The following SLC35G6 variants were observed in gnomAD, a reference collection of about 807,000 sequenced individuals.
SLC35G6 encodes acyl-malonyl condensing enzyme 1-like 3.
SLC35G6 carries 18 observed loss-of-function variants against 20.3 expected under a neutral mutation model. The observed-to-expected ratio is 0.88, with a 90% CI of 0.61 to 1.31. The LOEUF is 1.31. Ranked by LOEUF, SLC35G6 falls within the 40% of genes most tolerant of loss-of-function variation. The pLI, the probability that SLC35G6 is intolerant of heterozygous loss-of-function variation, is 0.00. For missense variants in SLC35G6, 372 were observed against 433.4 expected (o/e 0.86, Z 1.26); for synonymous variants, 156 against 200.9 (o/e 0.78, Z 1.89).
rs1251226713 is a variant in SLC35G6, at chr17:7,482,844, A to G, written c.860A>G (p.His287Arg). 9.9e-6 allele frequency: 16 copies of G among 1,611,894 alleles called. No individual in the cohort carries two copies. The highest frequency in any genetic ancestry group is 2.7e-5 in the African/African-American group (2 of 74,828). ...AHPALVCAVLHSEVVVALILQ... is the reference protein window; with the variant it reads ...AHPALVCAVLRSEVVVALILQ... The stretch of plus-strand genomic sequence containing the variant: ...CCTGCCCTGGTGTGCGCTGTCCTGC[A>G]TTCCGAGGTGGTGGTGGCCCTTATA... The change falls in exon 2 of 2, where the codon CAT (histidine) becomes CGT (arginine). Residue 287 changes from histidine to arginine, a missense_variant. Physicochemically the swap from His to Arg is conservative, Grantham distance 29. Coordinates refer to ENST00000412468, the MANE Select transcript of SLC35G6 (RefSeq NM_001102614.2).
Position 7,482,452 on chromosome 17 carries a change from C to T in SLC35G6, c.468C>T (p.Gly156=), listed in dbSNP as rs758907687. Residue 156 remains glycine, a synonymous_variant, in exon 2 of 2, where the codon GGC becomes GGT. Coordinates refer to ENST00000412468, the MANE Select transcript of SLC35G6 (RefSeq NM_001102614.2). ...GCCTTGAGAGCCAGGGTCTCAGTGG[C>T]TACGACTGGTGTGGACTGTTGGGCA... ...TLCLESQGLS[G]YDWCGLLGSI... 2.5e-6 allele frequency: 4 copies of T among 1,614,034 alleles called. No homozygotes were observed. Among genetic ancestry groups the T allele is most frequent in the Non-Finnish European group, 3.4e-6 (4 of 1,179,866 alleles).
chr17:7,481,884 C>A, intron 1 of SLC35G6, 104 bp from the exon 2 acceptor site: 2 of 1,451,234 alleles, frequency 1.4e-6, no homozygotes, highest in Non-Finnish European at 1.8e-6. Context: ...TAGCCCAACA[C>A]TGTACAGTCC....
chr17:7,481,751 C>T (rs1390879293), intron 1 of SLC35G6, among the ~76,000 whole-genome samples: 1 of 152,200 alleles, frequency 6.6e-6, no homozygotes, highest in Non-Finnish European at 1.5e-5. Flanking sequence ...CTCCCAGGAA[C>T]AACTTACCCA....
chr17:7,483,249 G>A lies in SLC35G6; in HGVS notation c.*248G>A. 5.6e-6 allele frequency: 4 copies of A among 715,244 alleles called. No individual in the cohort carries two copies. Among genetic ancestry groups the A allele is most frequent in the Non-Finnish European group, 8.9e-6 (4 of 449,426 alleles). The allele number at this position is 715,244 out of a possible 1,614,324, so 44.3% of individuals were successfully genotyped here. On this transcript the variant is annotated 3_prime_UTR_variant, in exon 2 of 2. Transcript: ENST00000412468. ...AGGGCATAACTAAGGGGTAAAGTCT[G>A]AGGAGCAGATCCAAACGGCTGAGGC...
chr17:7,483,344 C>G lies in SLC35G6; in HGVS notation c.*343C>G, dbSNP rs1307148769. ...AGAAGAGCATTGGGGCTGGAGTGTT[C>G]CGGCAAAGACAGAGCCAGCAGCTGC... On this transcript the variant is annotated 3_prime_UTR_variant, in exon 2 of 2. Transcript: ENST00000412468. The G allele has an allele frequency of 2.8e-6, 1 of 361,394 alleles. No individual in the cohort carries two copies. The highest frequency in any genetic ancestry group is 5.1e-6 in the Non-Finnish European group (1 of 195,258). 22.4% of individuals were successfully genotyped at this position (361,394 alleles called of 1,614,324 possible). A position where few individuals can be genotyped will look rare whatever the true frequency, so the allele number is the denominator to read the frequency against.
rs1480819561 is a variant in SLC35G6, at chr17:7,482,659, A to G, written c.675A>G (p.Leu225=). The part of the protein sequence containing the change: ...FPSCLPTVAF[L]SGLVGLLGSV... ...CCTGCCTCCCAACAGTGGCCTTCCT[A>G]TCTGGCTTGGTGGGGCTGCTGGGCT... The change falls in exon 2 of 2, where the codon CTA becomes CTG. Residue 225 remains leucine, a synonymous_variant. Transcript: ENST00000412468. 4 of 1,611,828 alleles carry G rather than the reference A, an allele frequency of 2.5e-6. No homozygotes were observed. Among genetic ancestry groups the G allele is most frequent in the South Asian group, 1.1e-5 (1 of 90,996 alleles).
chr17:7,481,570 G>C, intron 1 of SLC35G6, 51 bp downstream of exon 1: 1 of 1,368,200 alleles, frequency 7.3e-7, no homozygotes, highest in South Asian at 1.5e-5. Flanking sequence ...GCTCCTGGTT[G>C]CTCCATTTCC....
Position 7,482,292 on chromosome 17 carries a change from G to C in SLC35G6, c.308G>C (p.Arg103Pro). The C allele has an allele frequency of 6.2e-7, 1 of 1,614,020 alleles. No individual in the cohort carries two copies. The highest frequency in any genetic ancestry group is 8.5e-7 in the Non-Finnish European group (1 of 1,179,874). The change falls in exon 2 of 2, where the codon CGG becomes CCG. Residue 103 changes from arginine (R) to proline (P), a missense_variant. By Grantham distance (103) the Arg-to-Pro change is moderately radical (BLOSUM62 -2). Transcript: ENST00000412468. ...CTGGGACCTCCTGACATCCGAGGCC[G>C]GGCCTACTTCTATGCCCTGCTCAAC... ...PLLGPPDIRGRAYFYALLNVL... is the reference protein window; with the variant it reads ...PLLGPPDIRGPAYFYALLNVL...
intron 1 of SLC35G6, 148 bp downstream of exon 1, chr17:7,481,667 A>AGGT: frequency 1.5e-6 from 1 of 665,008 alleles, no homozygotes; most frequent in African/African-American, 1.8e-5. Context: ...AACCTGTGGC[A>AGGT]TCATACAGAT....
In SLC35G6 at chr17:7,482,696, C is replaced by T; in HGVS notation, c.712C>T (p.Leu238Phe). The T allele has an allele frequency of 6.2e-7, 1 of 1,612,054 alleles. No individual in the cohort carries two copies. Among genetic ancestry groups the T allele is most frequent in the Non-Finnish European group, 8.5e-7 (1 of 1,179,876 alleles). The change falls in exon 2 of 2, where the codon CTC becomes TTC. Residue 238 changes from leucine to phenylalanine, a missense_variant. Leu to Phe is a conservative substitution (Grantham distance 22). Transcript: ENST00000412468. The part of the protein sequence containing the change: ...LVGLLGSVPG[L>F]FVLQPPVLPS... ...GGGGCTGCTGGGCTCTGTGCCAGGC[C>T]TCTTTGTGCTGCAGCCCCCCGTGTT...
Position 7,482,077 on chromosome 17 carries a change from C to G in SLC35G6, c.93C>G (p.Cys31Trp). ...CCAGCCTCCGCTGGCACCAGTGCTG[C>G]CAGCCCTCTGATGCCACCAATGGCC... is the stretch of plus-strand genomic sequence containing the variant. ...APPSLRWHQCCQPSDATNGLL... is the reference protein window; with the variant it reads ...APPSLRWHQCWQPSDATNGLL... Residue 31 changes from cysteine (C) to tryptophan (W), a missense_variant, in exon 2 of 2, where the codon TGC becomes TGG. Transcript: ENST00000412468. The G allele has an allele frequency of 6.2e-7, 1 of 1,614,168 alleles. No individual in the cohort carries two copies. Among genetic ancestry groups the G allele is most frequent in the Non-Finnish European group, 8.5e-7 (1 of 1,180,022 alleles).
Position 7,482,295 on chromosome 17 carries a change from C to A in SLC35G6, c.311C>A (p.Ala104Asp). 6.2e-7 allele frequency: 1 copy of A among 1,614,028 alleles called. No homozygotes were observed. Among genetic ancestry groups the A allele is most frequent in the Non-Finnish European group, 8.5e-7 (1 of 1,179,872 alleles). Reference protein sequence around the residue: ...LLGPPDIRGRAYFYALLNVLS... With the variant: ...LLGPPDIRGRDYFYALLNVLS... Reference sequence around the variant, plus strand: ...GGACCTCCTGACATCCGAGGCCGGGCCTACTTCTATGCCCTGCTCAACGTC... The same window carrying A: ...GGACCTCCTGACATCCGAGGCCGGGACTACTTCTATGCCCTGCTCAACGTC... The change falls in exon 2 of 2, where the codon GCC becomes GAC. Residue 104 changes from alanine to aspartate, a missense_variant. Transcript: ENST00000412468.
At position 7,482,258 on chromosome 17, in the gene SLC35G6, G is replaced by A. The variant is rs575870779; in HGVS notation, c.274G>A (p.Asp92Asn). ...PIALLLKLRGDPLLGPPDIRG... is the reference protein window; with the variant it reads ...PIALLLKLRGNPLLGPPDIRG... ...TGCCCTGCTACTTAAACTGCGTGGC[G>A]ACCCCCTTCTGGGACCTCCTGACAT... The change falls in exon 2 of 2, where the codon GAC becomes AAC. Residue 92 changes from aspartate to asparagine, a missense_variant. Transcript: ENST00000412468. 3.7e-6 allele frequency: 6 copies of A among 1,613,960 alleles called. No individual in the cohort carries two copies. Among genetic ancestry groups the A allele is most frequent in the Admixed American group, 1.7e-5 (1 of 60,014 alleles).
Position 7,482,160 on chromosome 17 carries a change from A to T in SLC35G6, c.176A>T (p.His59Leu). The T allele has an allele frequency of 6.2e-7, 1 of 1,613,792 alleles. No individual in the cohort carries two copies. Among genetic ancestry groups the T allele is most frequent in the Non-Finnish European group, 8.5e-7 (1 of 1,179,914 alleles). ...GCTGGCTTCGTGGGCCCCCTTTCTC[A>T]TATGGCTTACCAGGCTTCCAACCTG... ...LPAGFVGPLS[H>L]MAYQASNLPS... is the part of the protein sequence containing the mutation. Residue 59 changes from histidine to leucine, a missense_variant, in exon 2 of 2, where the codon CAT (histidine) becomes CTT (leucine). By Grantham distance (99) the His-to-Leu change is moderately conservative. Coordinates refer to ENST00000412468, the MANE Select transcript of SLC35G6 (RefSeq NM_001102614.2).
Position 7,482,363 on chromosome 17 carries a change from G to T in SLC35G6, c.379G>T (p.Ala127Ser). Reference sequence around the variant, plus strand: ...CTACAGTGCGGTTCAGGTGGTGCCCGCTGGCAACGCTGCCACTGTTCGCAA... The same window carrying T: ...CTACAGTGCGGTTCAGGTGGTGCCCTCTGGCAACGCTGCCACTGTTCGCAA... ...CAYSAVQVVP[A>S]GNAATVRKGS... The change falls in exon 2 of 2, where the codon GCT becomes TCT. Residue 127 changes from alanine to serine, a missense_variant. By Grantham distance (99) the Ala-to-Ser change is moderately conservative (BLOSUM62 1). Transcript: ENST00000412468. The T allele has an allele frequency of 6.2e-7, 1 of 1,610,068 alleles. No homozygotes were observed. Among genetic ancestry groups the T allele is most frequent in the Non-Finnish European group, 8.5e-7 (1 of 1,176,650 alleles).
In SLC35G6 at chr17:7,483,047, G is replaced by C; in HGVS notation, c.*46G>C. On this transcript the variant is annotated 3_prime_UTR_variant, in exon 2 of 2. Coordinates refer to ENST00000412468, the MANE Select transcript of SLC35G6 (RefSeq NM_001102614.2). Reference sequence around the variant, plus strand: ...GGGTTGGGAGGGACAGGGATAAATAGAGGCAAAGACTGAAGACAAACATGG... The same window carrying C: ...GGGTTGGGAGGGACAGGGATAAATACAGGCAAAGACTGAAGACAAACATGG... 3 of 1,569,300 alleles carry C rather than the reference G, an allele frequency of 1.9e-6. No homozygotes were observed. Among genetic ancestry groups the C allele is most frequent in the East Asian group, 2.3e-5 (1 of 43,636 alleles).
In SLC35G6 at chr17:7,482,728, T is replaced by C. The variant is rs533696655; in HGVS notation, c.744T>C (p.Ser248=). 82 of 1,611,926 alleles carry C rather than the reference T, an allele frequency of 5.1e-5. No individual in the cohort carries two copies. The highest frequency in any genetic ancestry group is 6.7e-5 in the African/African-American group (5 of 74,854). The change falls in exon 2 of 2, where the codon AGT becomes AGC. Residue 248 remains serine (S), a synonymous_variant. Coordinates refer to ENST00000412468, the MANE Select transcript of SLC35G6 (RefSeq NM_001102614.2). ...LFVLQPPVLP[S]DLPSWSCVGA... ...TGCTGCAGCCCCCCGTGTTGCCCAG[T>C]GATCTCCCGAGTTGGAGTTGTGTGG...
Position 7,482,241 on chromosome 17 carries a change from T to C in SLC35G6, c.257T>C (p.Leu86Pro). The C allele has an allele frequency of 6.2e-7, 1 of 1,614,016 alleles. No individual in the cohort carries two copies. Among genetic ancestry groups the C allele is most frequent in the Non-Finnish European group, 8.5e-7 (1 of 1,179,870 alleles). The change falls in exon 2 of 2, where the codon CTA (leucine) becomes CCA (proline). Residue 86 changes from leucine (L) to proline (P), a missense_variant. Physicochemically the swap from Leu to Pro is moderately conservative, Grantham distance 98 (BLOSUM62 -3). Coordinates refer to ENST00000412468, the MANE Select transcript of SLC35G6 (RefSeq NM_001102614.2). The stretch of plus-strand genomic sequence containing the variant: ...CTCTTCCACCTCCCTATTGCCCTGC[T>C]ACTTAAACTGCGTGGCGACCCCCTT... The part of the protein sequence containing the change: ...RCLFHLPIAL[L>P]LKLRGDPLLG...
Position 7,482,510 on chromosome 17 carries a change from G to A in SLC35G6, c.526G>A (p.Gly176Arg), listed in dbSNP as rs768682795. ...AGGACTAATCATCATTGTGGGACCT[G>A]GACTCTGGACACTACAGGAGGGGAT... ...ILGLIIIVGP[G>R]LWTLQEGITG... Residue 176 changes from glycine (G) to arginine (R), a missense_variant, in exon 2 of 2, where the codon GGA (glycine) becomes AGA (arginine). Physicochemically the swap from Gly to Arg is moderately radical, Grantham distance 125. Transcript: ENST00000412468. 9 of 1,613,534 alleles carry A rather than the reference G, an allele frequency of 5.6e-6. No individual in the cohort carries two copies. In the South Asian group the frequency reaches 9.9e-5, roughly 18 times the overall value.
Sources: allele counts gnomAD v4.1 joint callset (sites outside exome capture counted in the v4.1 genomes callset), GRCh38; gene constraint gnomAD v4.1.1; transcripts MANE v1.5; gene names NCBI Gene and HGNC (gene_info 2026-07-23, HGNC 2026-07-21).